Variants in SSPN observed in about 807,000 individuals in gnomAD.
SSPN encodes K-ras oncogene-associated protein.
In SSPN, 15 loss-of-function variants were observed where a neutral mutation model predicts 19.1. The ratio of observed to expected loss-of-function variants is 0.78; its 90% confidence interval spans 0.52 to 1.21. The LOEUF (loss-of-function observed/expected upper bound fraction) is 1.21, where lower values mean the gene tolerates loss of function less well. SSPN is among the 50% of genes most tolerant of loss of function. SSPN has a pLI of 0.00. For synonymous variants in SSPN, 147 were observed against 140.3 expected (o/e 1.05, Z -0.34); for missense variants, 291 against 314.0 (o/e 0.93, Z 0.55).
At chr12:26,182,151 T>C (rs1391617306) in intron 1 of SSPN, among the ~76,000 whole-genome samples, 1 of 152,192 alleles carries the variant, frequency 6.6e-6, no homozygotes, top group Non-Finnish European at 1.5e-5. Context: ...TGTCCTCTAC[T>C]CGTAGTAAGA....
chr12:26,122,032 C>G (rs368925183), exon 1 of SSPN: 8 of 1,548,224 alleles, frequency 5.2e-6, no homozygotes, highest in Non-Finnish European at 7.0e-6. Flanking sequence ...ACTTCTCACT[C>G]TGCTTGAACC....
chr12:26,152,082 G>C (rs994612435), intron 1 of SSPN, among the ~76,000 whole-genome samples: 6 of 152,116 alleles, frequency 3.9e-5, no homozygotes, highest in Non-Finnish European at 8.8e-5. Flanking sequence ...CTGCATTATT[G>C]ACATTTCCCT....
chr12:26,149,959 A>G (rs1444067083), intron 1 of SSPN, among the ~76,000 whole-genome samples: 3 of 152,218 alleles, frequency 2.0e-5, no homozygotes, highest in African/African-American at 7.2e-5. Flanking sequence ...ACATGTACAC[A>G]TATACTCGCA....
chr12:26,201,165 T>C (rs1944881655), intron 1 of SSPN, among the ~76,000 whole-genome samples: 1 of 150,812 alleles, frequency 6.6e-6, no homozygotes, highest in Non-Finnish European at 1.5e-5. Flanking sequence ...TTGCATGAGC[T>C]CAGGATTTTG....
At chr12:26,187,867 G>C (rs1048921446) in intron 1 of SSPN, among the ~76,000 whole-genome samples, 1 of 152,204 alleles carries the variant, frequency 6.6e-6, no homozygotes, top group Non-Finnish European at 1.5e-5. Context: ...TGTAAGAGAA[G>C]AACAGGGAGG....
intron 1 of SSPN, among the ~76,000 whole-genome samples, chr12:26,201,797 C>A (rs1944888176): frequency 6.6e-6 from 1 of 152,066 alleles, no homozygotes; most frequent in African/African-American, 2.4e-5. Flanking sequence ...ATAATTTATT[C>A]TCTTACTTTA....
intron 1 of SSPN, among the ~76,000 whole-genome samples, chr12:26,169,291 A>C (rs1330027208): frequency 6.6e-6 from 1 of 152,116 alleles, no homozygotes; most frequent in African/African-American, 2.4e-5. Context: ...AATTGCCTGA[A>C]TTTGGAGTAA....
At chr12:26,123,945 T>C (rs1039689634) in intron 1 of SSPN, 2 of 796,824 alleles carry the variant, frequency 2.5e-6, no homozygotes, top group African/African-American at 1.7e-5. Context: ...CGGGAAACTC[T>C]GTACGGTATA....
At chr12:26,201,024 T>TAAA (rs1196566391) in intron 1 of SSPN, among the ~76,000 whole-genome samples, 353 of 31,294 alleles carry the variant, frequency 0.011, 4 homozygotes, top group African/African-American at 0.062. Context: ...TATATATATA[T>TAAA]ATATATATAT....
chr12:26,133,977 C>G (rs1305292886), intron 1 of SSPN, among the ~76,000 whole-genome samples: 1 of 152,220 alleles, frequency 6.6e-6, no homozygotes, highest in East Asian at 1.9e-4. Context: ...AATTCAATCA[C>G]TAAGTTATAG....
intron 1 of SSPN, among the ~76,000 whole-genome samples, chr12:26,218,489 TA>T (rs1168012572): frequency 2.4e-3 from 328 of 139,226 alleles, no homozygotes; most frequent in South Asian, 4.9e-3. Flanking sequence ...AAAGTATAAT[TA>T]AAAAAAAAAA....
At chr12:26,135,610 C>A (rs1365100530) in intron 1 of SSPN, among the ~76,000 whole-genome samples, 2 of 152,194 alleles carry the variant, frequency 1.3e-5, no homozygotes, top group African/African-American at 4.8e-5. Flanking sequence ...CACCCTCAAG[C>A]CAACTTTGCA....
intron 1 of SSPN, among the ~76,000 whole-genome samples, chr12:26,206,625 A>G (rs1944933479): frequency 1.3e-5 from 2 of 152,196 alleles, no homozygotes; most frequent in South Asian, 4.1e-4. Flanking sequence ...CCACCGGAGT[A>G]GGCTCAATCC....
intron 2 of SSPN, among the ~76,000 whole-genome samples, chr12:26,229,183 T>A (rs962938370): frequency 1.3e-5 from 2 of 152,194 alleles, no homozygotes; most frequent in Non-Finnish European, 2.9e-5. Context: ...GTGTTTAAGA[T>A]CTCTTTGATG....
At chr12:26,183,360 C>G (rs1402191536) in intron 1 of SSPN, among the ~76,000 whole-genome samples, 3 of 152,066 alleles carry the variant, frequency 2.0e-5, no homozygotes, top group African/African-American at 7.2e-5. Flanking sequence ...ACAATTGGCC[C>G]TCCTCAGCCT....
chr12:26,166,153 A>G (rs1199876109), intron 1 of SSPN, among the ~76,000 whole-genome samples: 1 of 152,202 alleles, frequency 6.6e-6, no homozygotes, highest in Non-Finnish European at 1.5e-5. Flanking sequence ...GGATAGCACT[A>G]GGAGAAATAC....
At chr12:26,177,896 A>C (rs778722012) in intron 1 of SSPN, among the ~76,000 whole-genome samples, 1 of 152,148 alleles carries the variant, frequency 6.6e-6, no homozygotes, top group Non-Finnish European at 1.5e-5. Context: ...ACGTCCACTA[A>C]CGACAGCCCT....
chr12:26,153,045 G>T (rs907820561), intron 1 of SSPN, among the ~76,000 whole-genome samples: 1 of 152,160 alleles, frequency 6.6e-6, no homozygotes, highest in Non-Finnish European at 1.5e-5. Flanking sequence ...CATTGTTCAG[G>T]TTCTAGCTGA....
intron 1 of SSPN, among the ~76,000 whole-genome samples, chr12:26,221,600 T>G (rs1315791419): frequency 6.6e-6 from 1 of 151,594 alleles, no homozygotes; most frequent in East Asian, 1.9e-4. Context: ...TACAAAGAAG[T>G]AGCTACTGCT....
Sources: gnomAD v4.1 joint callset for allele counts (sites outside exome capture counted in the v4.1 genomes callset) on GRCh38, gnomAD v4.1.1 for gene constraint, MANE v1.5 for transcripts, NCBI Gene and HGNC (gene_info 2026-07-23, HGNC 2026-07-21) for gene names.